The following GPRC5A variants were observed in gnomAD, a reference collection of about 807,000 sequenced individuals.
GPRC5A encodes the protein retinoic acid-induced protein 3.
In GPRC5A, 19 loss-of-function variants were observed where a neutral mutation model predicts 22.5. The observed-to-expected ratio is 0.85, with a 90% CI of 0.59 to 1.24. GPRC5A has a LOEUF of 1.24. GPRC5A is among the 50% of genes most tolerant of loss of function. GPRC5A has a pLI of 0.00. For missense variants in GPRC5A, 471 were observed against 451.1 expected, an observed-to-expected ratio of 1.04 and a Z score of -0.40; for synonymous variants, 192 against 184.5, an observed-to-expected ratio of 1.04 and a Z score of -0.33.
chr12:12,916,343 T>TTTTA lies in GPRC5A; in HGVS notation c.*3804_*3805insTTTA, dbSNP rs1864063763. 1 of 152,326 alleles carries TTTTA rather than the reference T, an allele frequency of 6.6e-6. No homozygotes were observed. Among genetic ancestry groups the TTTTA allele is most frequent in the African/African-American group, 2.4e-5 (1 of 41,466 alleles). The allele number at this position is 152,326 out of a possible 1,614,324, so 9.4% of individuals were successfully genotyped here. A position where few individuals can be genotyped will look rare whatever the true frequency, so the allele number is the denominator to read the frequency against. On this transcript the variant is annotated 3_prime_UTR_variant, in exon 4 of 4. Coordinates refer to ENST00000014914, the MANE Select transcript of GPRC5A (RefSeq NM_003979.4). ...GCATTGTGAGATGCGAAATAGAGCG[T>TTTTA]GTCTCTCTGCCTCTCATTTTAGGCT... is the stretch of plus-strand genomic sequence containing the variant.
intron 3 of GPRC5A, 77 bp from the exon 4 acceptor site, chr12:12,912,370 A>C (rs1019126414): frequency 7.0e-6 from 7 of 993,594 alleles, no homozygotes; most frequent in Non-Finnish European, 9.7e-6. Flanking sequence ...AGGAAATGAG[A>C]CTTCTGCCCA....
chr12:12,903,931 T>C (rs1202190177), intron 1 of GPRC5A, among the ~76,000 whole-genome samples: 1 of 152,142 alleles, frequency 6.6e-6, no homozygotes, highest in African/African-American at 2.4e-5. Flanking sequence ...ATCCTGTCCC[T>C]CATAACAATC....
intron 1 of GPRC5A, among the ~76,000 whole-genome samples, chr12:12,899,551 G>C (rs576443093): frequency 6.6e-6 from 1 of 152,250 alleles, no homozygotes; most frequent in Non-Finnish European, 1.5e-5. Context: ...CACTCTGTTA[G>C]GTTTCTCACC....
Position 12,917,485 on chromosome 12 carries a change from T to C in GPRC5A, c.*4946T>C, listed in dbSNP as rs537898467. 1.3e-5 allele frequency: 2 copies of C among 152,284 alleles called. No individual in the cohort carries two copies. The highest frequency in any genetic ancestry group is 1.9e-4 in the East Asian group (1 of 5,184). 9.4% of individuals were successfully genotyped at this position (152,284 alleles called of 1,614,324 possible). A position where few individuals can be genotyped will look rare whatever the true frequency, so the allele number is the denominator to read the frequency against. On this transcript the variant is annotated 3_prime_UTR_variant, in exon 4 of 4. Coordinates refer to ENST00000014914, the MANE Select transcript of GPRC5A (RefSeq NM_003979.4). ...GTGTTCTTTCTACCGTCAGCACCTG[T>C]GTGGTCAATTCTGGACACTTCCCAG... is the stretch of plus-strand genomic sequence containing the variant.
intron 1 of GPRC5A, among the ~76,000 whole-genome samples, chr12:12,906,486 T>C (rs1000846110): frequency 4.6e-5 from 7 of 151,828 alleles, no homozygotes; most frequent in Non-Finnish European, 1.0e-4. Flanking sequence ...CGGGGGAGGA[T>C]GGCTTGAGCC....
chr12:12,911,053 A>G (rs1184350090), intron 2 of GPRC5A, among the ~76,000 whole-genome samples: 1 of 151,866 alleles, frequency 6.6e-6, no homozygotes, highest in Non-Finnish European at 1.5e-5. Flanking sequence ...TTGTGTTTTT[A>G]GTAGAGACGG....
At position 12,908,571 on chromosome 12, in the gene GPRC5A, T is replaced by C; in HGVS notation, c.322T>C (p.Cys108Arg). 6.2e-7 allele frequency: 1 copy of C among 1,614,204 alleles called. No homozygotes were observed. Among genetic ancestry groups the C allele is most frequent in the East Asian group, 2.2e-5 (1 of 44,890 alleles). The stretch of plus-strand genomic sequence containing the variant: ...CCTCTTTGGGATCCTCTTTTCCATC[T>C]GCTTCTCCTGCCTGCTGGCTCATGC... ...FFLFGILFSICFSCLLAHAVS... is the reference protein window; with the variant it reads ...FFLFGILFSIRFSCLLAHAVS... Residue 108 changes from cysteine to arginine, a missense_variant, in exon 2 of 4, where the codon TGC becomes CGC. By Grantham distance (180) the Cys-to-Arg change is radical. Transcript: ENST00000014914.
chr12:12,900,647 C>G (rs1489017019), intron 1 of GPRC5A, among the ~76,000 whole-genome samples: 1 of 152,102 alleles, frequency 6.6e-6, no homozygotes, highest in African/African-American at 2.4e-5. Context: ...CCTGTAATCC[C>G]AGCACTTTGG....
In GPRC5A at chr12:12,912,896, A is replaced by G. The variant is rs1231059887; in HGVS notation, c.*357A>G. 1.5e-5 allele frequency: 3 copies of G among 203,406 alleles called. No individual in the cohort carries two copies. The highest frequency in any genetic ancestry group is 6.9e-5 in the African/African-American group (3 of 43,306). The allele number at this position is 203,406 out of a possible 1,614,324, so 12.6% of individuals were successfully genotyped here. On this transcript the variant is annotated 3_prime_UTR_variant, in exon 4 of 4. Coordinates refer to ENST00000014914, the MANE Select transcript of GPRC5A (RefSeq NM_003979.4). ...GAGTGCAGTGGTGCGATCACAGCCC[A>G]GTGCAGCCTCGACCACCTGTGCTCA...
chr12:12,908,888 C>G lies in GPRC5A; in HGVS notation c.639C>G (p.Ile213Met). 1.2e-6 allele frequency: 2 copies of G among 1,614,194 alleles called. No homozygotes were observed. Among genetic ancestry groups the G allele is most frequent in the Non-Finnish European group, 1.7e-6 (2 of 1,180,024 alleles). ...GCTGGAAGAGACATGGGGCCCACAT[C>G]TACCTCACGATGCTCCTCTCCATTG... ...FTGWKRHGAH[I>M]YLTMLLSIAI... The change falls in exon 2 of 4, where the codon ATC becomes ATG. Residue 213 changes from isoleucine to methionine, a missense_variant. Coordinates refer to ENST00000014914, the MANE Select transcript of GPRC5A (RefSeq NM_003979.4).
chr12:12,905,946 GT>G (rs1273471061), intron 1 of GPRC5A, among the ~76,000 whole-genome samples: 3 of 152,162 alleles, frequency 2.0e-5, no homozygotes, highest in Non-Finnish European at 2.9e-5. Context: ...AACTAGGAGA[GT>G]GGAACCAGAG....
intron 1 of GPRC5A, among the ~76,000 whole-genome samples, chr12:12,894,286 C>T (rs186074820): frequency 6.6e-6 from 1 of 152,166 alleles, no homozygotes; most frequent in Non-Finnish European, 1.5e-5. Flanking sequence ...ATCCATAGAA[C>T]ATTTACACAA....
In GPRC5A at chr12:12,914,940, C is replaced by G. The variant is rs1864048634; in HGVS notation, c.*2401C>G. ...CAGCCTCCTTTCCATCTTTTCTTTC[C>G]TTCTCTGGTCTTCATACTACCAACC... On this transcript the variant is annotated 3_prime_UTR_variant, in exon 4 of 4. Coordinates refer to ENST00000014914, the MANE Select transcript of GPRC5A (RefSeq NM_003979.4). 6.6e-6 allele frequency: 1 copy of G among 151,600 alleles called. No homozygotes were observed. The highest frequency in any genetic ancestry group is 2.4e-5 in the African/African-American group (1 of 41,234). 9.4% of individuals were successfully genotyped at this position (151,600 alleles called of 1,614,324 possible).
intron 1 of GPRC5A, among the ~76,000 whole-genome samples, chr12:12,900,105 C>T (rs1359115988): frequency 6.6e-6 from 1 of 152,204 alleles, no homozygotes; most frequent in African/African-American, 2.4e-5. Flanking sequence ...TCAGTCAAGG[C>T]CATGTCTAGG....
At chr12:12,895,821 C>CAAAAAAAAA (rs34696528) in intron 1 of GPRC5A, among the ~76,000 whole-genome samples, 93 of 75,294 alleles carry the variant, frequency 1.2e-3, no homozygotes, top group East Asian at 2.7e-3. Flanking sequence ...ACTAAAAATA[C>CAAAAAAAAA]AAAAAAAAAA....
At position 12,908,843 on chromosome 12, in the gene GPRC5A, CT is replaced by C. The variant is rs772321146; in HGVS notation, c.596del (p.Phe199SerfsTer91). ...TGACCTTCCTCATGTCCTCCTTCACCTTCTGTGGTTCCTTCACGGGCTGGAA... is the reference window on the plus strand; with the variant it reads ...TGACCTTCCTCATGTCCTCCTTCACCTCTGTGGTTCCTTCACGGGCTGGAA... ...ALTFLMSSFTFCGSFTGWKRH... is the reference protein window; with the variant it reads ...ALTFLMSSFTXCGSFTGWKRH... On this transcript the variant is annotated frameshift_variant, in exon 2 of 4. Transcript: ENST00000014914. LOFTEE classifies it high-confidence loss of function. 1.2e-6 allele frequency: 2 copies of C among 1,614,136 alleles called. No individual in the cohort carries two copies. The highest frequency in any genetic ancestry group is 1.7e-6 in the Non-Finnish European group (2 of 1,179,968).
chr12:12,899,521 C>T (rs946305985), intron 1 of GPRC5A, among the ~76,000 whole-genome samples: 1 of 152,170 alleles, frequency 6.6e-6, no homozygotes. Flanking sequence ...GACCATGTGA[C>T]ACTGGACATG....
chr12:12,916,023 TA>T lies in GPRC5A; in HGVS notation c.*3485del, dbSNP rs1185910420. ...TAAATAAGCTATTTTTAAAAGTTAT[TA>T]TTTTTTTACTCTTTCTTTTCTTTGG... On this transcript the variant is annotated 3_prime_UTR_variant, in exon 4 of 4. Transcript: ENST00000014914. The T allele has an allele frequency of 7.3e-6, 2 of 272,500 alleles. No homozygotes were observed. The highest frequency in any genetic ancestry group is 4.6e-5 in the African/African-American group (2 of 43,704). The allele number at this position is 272,500 out of a possible 1,614,324, so 16.9% of individuals were successfully genotyped here.
In GPRC5A at chr12:12,908,655, G is replaced by T. The variant is rs1200809888; in HGVS notation, c.406G>T (p.Gly136Cys). The change falls in exon 2 of 4, where the codon GGT becomes TGT. Residue 136 changes from glycine (G) to cysteine (C), a missense_variant. Coordinates refer to ENST00000014914, the MANE Select transcript of GPRC5A (RefSeq NM_003979.4). ...GCCCCTTTCCCTGTTGGTGATTCTGGGTCTGGCCGTGGGCTTCAGCCTAGT... is the reference window on the plus strand; with the variant it reads ...GCCCCTTTCCCTGTTGGTGATTCTGTGTCTGGCCGTGGGCTTCAGCCTAGT... ...RKPLSLLVIL[G>C]LAVGFSLVQD... 6.2e-6 allele frequency: 10 copies of T among 1,613,854 alleles called. No individual in the cohort carries two copies. The highest frequency in any genetic ancestry group is 1.3e-5 in the African/African-American group (1 of 75,028).
Sources: allele counts gnomAD v4.1 joint callset (sites outside exome capture counted in the v4.1 genomes callset), GRCh38; gene constraint gnomAD v4.1.1; transcripts MANE v1.5; gene names NCBI Gene and HGNC (gene_info 2026-07-23, HGNC 2026-07-21).